Variants in ACLY observed in about 807,000 individuals in gnomAD.
ACLY encodes the protein ATP citrate lyase.
ACLY carries 41 observed loss-of-function variants against 133.0 expected under a neutral mutation model. The observed-to-expected ratio is 0.31, with a 90% CI of 0.24 to 0.40. ACLY has a LOEUF of 0.40. Among genes scored for constraint, ACLY ranks in the 10% least tolerant of loss-of-function variants. ACLY has a pLI of 1.00. For synonymous variants in ACLY, 495 were observed against 549.3 expected (o/e 0.90, Z 1.38); for missense variants, 1,046 against 1,453.8 (o/e 0.72, Z 4.56).
intron 10 of ACLY, among the ~76,000 whole-genome samples, chr17:41,904,172 G>A (rs1457022540): frequency 1.5e-5 from 2 of 132,924 alleles, no homozygotes; most frequent in African/African-American, 5.6e-5. Context: ...AGGGGAGGGA[G>A]GGAGGAAAGG....
At chr17:41,918,994 CG>C (rs1555635022), upstream of ACLY, 2 of 1,286,642 alleles carry the variant, frequency 1.6e-6, no homozygotes, top group African/African-American at 3.1e-5. Flanking sequence ...CCGGCCCAGC[CG>C]GACTTTTCCC....
At position 41,906,575 on chromosome 17, in the gene ACLY, C is replaced by T; in HGVS notation, c.819G>A (p.Gly273=). The T allele has an allele frequency of 6.2e-7, 1 of 1,614,200 alleles. No individual in the cohort carries two copies. Among genetic ancestry groups the T allele is most frequent in the East Asian group, 2.2e-5 (1 of 44,882 alleles). The change falls in exon 8 of 29, where the codon GGG becomes GGA. Residue 273 remains glycine, a synonymous_variant. Coordinates refer to ENST00000352035, the MANE Select transcript of ACLY (RefSeq NM_001096.3). ...CCCCGGCCACCATGGTCCAGATCCTCCCTTTGGGGTTCAGCAAGGTCAGCT... is the reference window on the plus strand; with the variant it reads ...CCCCGGCCACCATGGTCCAGATCCTTCCTTTGGGGTTCAGCAAGGTCAGCT... ...SLKLTLLNPK[G]RIWTMVAGGG...
At chr17:41,930,469 C>T (rs191104295) in exon 1 of ACLY, 2 of 426,356 alleles carry the variant, frequency 4.7e-6, no homozygotes, top group South Asian at 2.8e-5. Context: ...ACCGCCAGAG[C>T]GTGCAACAGC....
rs564561182 is a variant in ACLY, at chr17:41,902,578, T to C, written c.1066-765A>G. Among the ~76,000 whole-genome samples the C allele has an allele frequency of 2.6e-5, 4 of 152,300 alleles. No individual in the cohort carries two copies. The South Asian group carries it at 8.3e-4, about 32-fold the overall frequency. ...AAAAATGAGAGGGTGGAAAGGTGTG[T>C]CCTAGTTCTGTTTCTCAAGACAGAG... On this transcript the variant is annotated intron_variant, in intron 10 of 28. Coordinates refer to ENST00000352035, the MANE Select transcript of ACLY (RefSeq NM_001096.3).
At chr17:41,914,439 G>C (rs566085520) in intron 1 of ACLY, among the ~76,000 whole-genome samples, 2 of 152,202 alleles carry the variant, frequency 1.3e-5, no homozygotes, top group South Asian at 4.1e-4. Flanking sequence ...ACACACCACC[G>C]GGCCAATGGC....
At chr17:41,925,263 C>T (rs2144461589) in intron 1 of ACLY, among the ~76,000 whole-genome samples, 1 of 151,400 alleles carries the variant, frequency 6.6e-6, no homozygotes, top group East Asian at 2.0e-4. Flanking sequence ...GAGCGAAACT[C>T]TGTCTCAAAA....
intron 13 of ACLY, among the ~76,000 whole-genome samples, chr17:41,897,182 C>A (rs574323855): frequency 1.3e-5 from 2 of 151,940 alleles, no homozygotes; most frequent in East Asian, 1.9e-4. Context: ...TAACTAACAC[C>A]ACTTATGTAG....
chr17:41,893,008 T>C (rs1306942875), intron 15 of ACLY, 25 bp downstream of exon 15: 6 of 1,605,774 alleles, frequency 3.7e-6, no homozygotes, highest in Admixed American at 1.7e-5. Context: ...AGGAAGGAGA[T>C]ATTTCCCGCC....
At chr17:41,927,558 G>A (rs1284539949) in intron 1 of ACLY, among the ~76,000 whole-genome samples, 1 of 152,182 alleles carries the variant, frequency 6.6e-6, no homozygotes, top group African/African-American at 2.4e-5. Flanking sequence ...AGGCGCAGTG[G>A]CTCATGCCTG....
chr17:41,889,256 C>A (rs947845460), intron 16 of ACLY, among the ~76,000 whole-genome samples: 1 of 151,976 alleles, frequency 6.6e-6, no homozygotes, highest in Non-Finnish European at 1.5e-5. Flanking sequence ...TGGTGGCTCA[C>A]GCCTGTAATA....
intron 13 of ACLY, 46 bp downstream of exon 13, chr17:41,897,703 C>T (rs782163081): frequency 1.1e-5 from 17 of 1,546,980 alleles, no homozygotes; most frequent in Non-Finnish European, 1.1e-5. Context: ...ACAGAGGGTA[C>T]CGCAAGGCCA....
At chr17:41,879,246 C>T (rs1361689802) in intron 20 of ACLY, among the ~76,000 whole-genome samples, 1 of 151,948 alleles carries the variant, frequency 6.6e-6, no homozygotes, top group Non-Finnish European at 1.5e-5. Flanking sequence ...GCTAGGATTA[C>T]AGGTGCCTGC....
chr17:41,918,812 G>T, intron 1 of ACLY, 68 bp downstream of exon 1: 5 of 1,266,822 alleles, frequency 3.9e-6, no homozygotes, highest in Non-Finnish European at 5.1e-6. Flanking sequence ...TTCCGGGTTG[G>T]GGGACGGAGG....
chr17:41,868,436 C>CAAAA (rs10639270), intron 28 of ACLY, among the ~76,000 whole-genome samples: 1,129 of 102,330 alleles, frequency 0.011, 32 homozygotes, highest in African/African-American at 0.027. Flanking sequence ...GACTCAGTCT[C>CAAAA]AAAAAAAAAA....
intron 25 of ACLY, among the ~76,000 whole-genome samples, chr17:41,870,191 G>A (rs549743317): frequency 4.1e-4 from 63 of 152,288 alleles, no homozygotes; most frequent in African/African-American, 1.5e-3. Context: ...TCTAGAAAGC[G>A]GGGAGCTCAA....
intron 22 of ACLY, among the ~76,000 whole-genome samples, chr17:41,876,275 G>A (rs1266426447): frequency 8.8e-5 from 13 of 148,270 alleles, no homozygotes; most frequent in Non-Finnish European, 1.3e-4. Context: ...CAGCCGCCCC[G>A]TCCGGGAGGG....
At chr17:41,907,672 TC>T in intron 6 of ACLY, 100 bp from the exon 7 acceptor site, 1 of 1,374,188 alleles carries the variant, frequency 7.3e-7, no homozygotes, top group Non-Finnish European at 1.0e-6. Context: ...GGTGGCCCAT[TC>T]AGGCCTCAGA....
intron 20 of ACLY, 145 bp from the exon 21 acceptor site, chr17:41,879,069 A>G (rs1376661167): frequency 1.1e-5 from 11 of 1,028,754 alleles, no homozygotes; most frequent in Non-Finnish European, 1.6e-5. Context: ...GATGATTTCC[A>G]TTTTACAGAC....
intron 8 of ACLY, 148 bp from the exon 9 acceptor site, chr17:41,905,806 C>G (rs1036192262): frequency 7.3e-5 from 69 of 950,262 alleles, no homozygotes; most frequent in Non-Finnish European, 1.0e-4. Flanking sequence ...AATTCCCATG[C>G]AAGTCTGGCC....
Sources: gnomAD v4.1 joint callset for allele counts (sites outside exome capture counted in the v4.1 genomes callset) on GRCh38, gnomAD v4.1.1 for gene constraint, MANE v1.5 for transcripts, NCBI Gene and HGNC (gene_info 2026-07-23, HGNC 2026-07-21) for gene names.